The following RBFOX3 variants were observed in gnomAD, a reference collection of about 807,000 sequenced individuals.
The protein encoded by RBFOX3 is RNA binding protein fox-1 homolog 3.
Under a neutral mutation model 48.7 loss-of-function variants are expected in RBFOX3, and 17 were observed. The observed-to-expected ratio is 0.35, with a 90% CI of 0.24 to 0.52. The LOEUF is 0.52. Among genes scored for constraint, RBFOX3 ranks in the 20% least tolerant of loss-of-function variants. RBFOX3 has a pLI of 0.94. For missense variants in RBFOX3, 382 were observed against 497.5 expected, an observed-to-expected ratio of 0.77 and a Z score of 2.21; for synonymous variants, 212 against 209.5, an observed-to-expected ratio of 1.01 and a Z score of -0.10.
rs1274482920 is a variant in RBFOX3, at chr17:79,190,426, A to AC, written c.-34+45339_-34+45340insG. ...ATCTCTGTCTCACCAAAAAAAAAAA[A>AC]AAAAACAAAAAAACAGAGTGAAGAA... On this transcript the variant is annotated intron_variant, in intron 4 of 14. Coordinates refer to ENST00000693108, the MANE Select transcript of RBFOX3 (RefSeq NM_001350451.2). Among the ~76,000 whole-genome samples the AC allele has an allele frequency of 5.9e-4, 41 of 69,688 alleles. No individual in the cohort carries two copies. The Admixed American group carries it at 6.7e-3, about 11-fold the overall frequency. 45.7% of individuals were successfully genotyped at this position (69,688 alleles called of 152,430 possible).
chr17:79,271,098 G>A (rs1005969189), intron 3 of RBFOX3, among the ~76,000 whole-genome samples: 15 of 149,376 alleles, frequency 1.0e-4, no homozygotes, highest in African/African-American at 3.0e-4. Context: ...TTTTTGAGAC[G>A]GAGTTTTGCT....
At chr17:79,600,233 C>T (rs2093674070) in intron 1 of RBFOX3, 2 of 152,302 alleles carry the variant, frequency 1.3e-5, no homozygotes, top group South Asian at 4.1e-4. Flanking sequence ...CTCATGCACG[C>T]ACACAGGTAC....
At chr17:79,548,322 C>T (rs1406804099) in intron 1 of RBFOX3, among the ~76,000 whole-genome samples, 1 of 152,204 alleles carries the variant, frequency 6.6e-6, no homozygotes, top group East Asian at 1.9e-4. Flanking sequence ...GACACACCCC[C>T]ACCTCACCCA....
chr17:79,247,377 ATCTTG>A (rs1330967689), intron 3 of RBFOX3, among the ~76,000 whole-genome samples: 4 of 140,628 alleles, frequency 2.8e-5, no homozygotes, highest in African/African-American at 1.1e-4. Flanking sequence ...CAGTGGCACC[ATCTTG>A]GCTCACAGTA....
chr17:79,447,309 G>T (rs747637229), intron 2 of RBFOX3, among the ~76,000 whole-genome samples: 1 of 152,134 alleles, frequency 6.6e-6, no homozygotes, highest in Admixed American at 6.5e-5. Flanking sequence ...GCTCTGAGCC[G>T]CAGGGAAATT....
At chr17:79,645,703 G>T in the RBFOX3 span, among the ~76,000 whole-genome samples, 1 of 152,172 alleles carries the variant, frequency 6.6e-6, no homozygotes. Flanking sequence ...TTGCTGCCTG[G>T]ACCGCAGCGG....
intron 3 of RBFOX3, among the ~76,000 whole-genome samples, chr17:79,250,714 G>A (rs867544668): frequency 6.6e-6 from 1 of 152,106 alleles, no homozygotes; most frequent in African/African-American, 2.4e-5. Flanking sequence ...CCCTTCGGCA[G>A]CCACCCCTGT....
chr17:79,312,286 G>GAAGA (rs2076958813), intron 2 of RBFOX3, among the ~76,000 whole-genome samples: 1 of 143,170 alleles, frequency 7.0e-6, no homozygotes, highest in African/African-American at 2.6e-5. Context: ...AGCAGATTAA[G>GAAGA]AAAAAAAAAA....
At chr17:79,405,201 G>A (rs2063382299) in intron 2 of RBFOX3, among the ~76,000 whole-genome samples, 1 of 152,094 alleles carries the variant, frequency 6.6e-6, no homozygotes, top group African/African-American at 2.4e-5. Context: ...CACCCCACCA[G>A]CTCGATGCAA....
At chr17:79,463,214 T>G (rs1431737779) in intron 2 of RBFOX3, among the ~76,000 whole-genome samples, 9 of 84,192 alleles carry the variant, frequency 1.1e-4, no homozygotes, top group South Asian at 4.1e-4. Context: ...CACTGCCACC[T>G]CCACTGCCAT....
chr17:79,147,449 C>T (rs775044032), intron 4 of RBFOX3, among the ~76,000 whole-genome samples: 28 of 152,246 alleles, frequency 1.8e-4, no homozygotes, highest in Non-Finnish European at 2.8e-4. Context: ...CTTCCCCCAA[C>T]CCCTCCGGAG....
Position 79,506,472 on chromosome 17 carries a change from C to A in RBFOX3, c.-319-23874G>T, listed in dbSNP as rs1035645753. On this transcript the variant is annotated intron_variant, in intron 1 of 14. Transcript: ENST00000693108. ...CTGCGCTGGGTGACCTCCACACTCC[C>A]AGCCCCCTCTTAGATTCTAAATATT... 2.6e-5 allele frequency among the ~76,000 whole-genome samples: 4 copies of A among 152,238 alleles called. No homozygotes were observed. In the East Asian group the frequency reaches 5.8e-4, roughly 22 times the overall value.
chr17:79,547,437 T>C (rs550633442), intron 1 of RBFOX3, among the ~76,000 whole-genome samples: 92 of 152,266 alleles, frequency 6.0e-4, no homozygotes, highest in African/African-American at 2.2e-3. Context: ...CCTGGGTGAC[T>C]GAGCAAGACT....
chr17:79,317,941 A>G (rs2077766285), intron 2 of RBFOX3, among the ~76,000 whole-genome samples: 1 of 152,104 alleles, frequency 6.6e-6, no homozygotes, highest in Admixed American at 6.5e-5. Context: ...CGGTTTCATG[A>G]TTATTTTTCT....
chr17:79,377,231 C>T (rs1032680787), intron 2 of RBFOX3, among the ~76,000 whole-genome samples: 2 of 147,572 alleles, frequency 1.4e-5, no homozygotes, highest in Non-Finnish European at 2.9e-5. Context: ...ACTACACAGA[C>T]GCACAGAGAT....
intron 3 of RBFOX3, among the ~76,000 whole-genome samples, chr17:79,292,613 CACAT>C (rs954272144): frequency 3.9e-4 from 27 of 68,680 alleles, no homozygotes; most frequent in South Asian, 2.3e-3. Context: ...CACACACACA[CACAT>C]ACATGCAGAC....
At chr17:79,222,245 T>TG (rs751812375) in intron 4 of RBFOX3, among the ~76,000 whole-genome samples, 5 of 152,202 alleles carry the variant, frequency 3.3e-5, no homozygotes, top group Non-Finnish European at 7.3e-5. Context: ...TATGGCTCCC[T>TG]GGGGATCCAA....
At chr17:79,593,224 T>G (rs1236637155) in intron 1 of RBFOX3, among the ~76,000 whole-genome samples, 2 of 152,160 alleles carry the variant, frequency 1.3e-5, no homozygotes, top group Non-Finnish European at 2.9e-5. Context: ...CCACCTGCCC[T>G]TCCCTGGCAG....
rs1053350621 is a variant in RBFOX3 at position 79,115,176 on chromosome 17, C to T, written c.222+318G>A. ...CTCCCAGCTGGGGTGAGTGTTTGCTCGAAGCAGGGAAGCCAGGCCCAGGCG... is the reference window on the plus strand; with the variant it reads ...CTCCCAGCTGGGGTGAGTGTTTGCTTGAAGCAGGGAAGCCAGGCCCAGGCG... On this transcript the variant is annotated intron_variant, in intron 5 of 14. Coordinates refer to ENST00000693108, the MANE Select transcript of RBFOX3 (RefSeq NM_001350451.2). Among the ~76,000 whole-genome samples, 15 of 152,326 alleles carry T rather than the reference C, an allele frequency of 9.8e-5. No homozygotes were observed. The East Asian group carries it at 2.7e-3, about 27-fold the overall frequency.
Sources: gnomAD v4.1 joint callset for allele counts (sites outside exome capture counted in the v4.1 genomes callset) on GRCh38, gnomAD v4.1.1 for gene constraint, MANE v1.5 for transcripts, NCBI Gene and HGNC (gene_info 2026-07-23, HGNC 2026-07-21) for gene names.